GRIK1: variants seen among roughly 807,000 people sequenced by gnomAD.
The protein encoded by GRIK1 is glutamate receptor ionotropic, kainate 1.
Under a neutral mutation model 105.7 loss-of-function variants are expected in GRIK1, and 69 were observed. The observed-to-expected ratio is 0.65, with a 90% CI of 0.54 to 0.80. The LOEUF (loss-of-function observed/expected upper bound fraction) is 0.80, where lower values mean the gene tolerates loss of function less well. Among genes scored for constraint, GRIK1 ranks in the 30% least tolerant of loss-of-function variants. The pLI is 0.00. For synonymous variants in GRIK1, 438 were observed against 431.3 expected (o/e 1.02, Z -0.19); for missense variants, 1,109 against 1,167.3 (o/e 0.95, Z 0.73).
chr21:29,588,360 T>C (rs1198116757), intron 11 of GRIK1, among the ~76,000 whole-genome samples: 1 of 152,168 alleles, frequency 6.6e-6, no homozygotes, highest in Non-Finnish European at 1.5e-5. Flanking sequence ...AATCCCCATG[T>C]GTCAAGGGTG....
chr21:29,661,149 A>G (rs536349984), intron 4 of GRIK1, among the ~76,000 whole-genome samples: 1 of 152,364 alleles, frequency 6.6e-6, no homozygotes, highest in South Asian at 2.1e-4. Flanking sequence ...CATTCATGCC[A>G]CATTGAATGA....
intron 3 of GRIK1, among the ~76,000 whole-genome samples, chr21:29,674,441 A>G (rs1003504005): frequency 9.2e-5 from 14 of 152,052 alleles, no homozygotes; most frequent in African/African-American, 3.4e-4. Context: ...TGGTTGCTGT[A>G]GAACCTTATC....
intron 1 of GRIK1, among the ~76,000 whole-genome samples, chr21:29,892,351 T>C (rs1448511002): frequency 6.6e-6 from 1 of 152,230 alleles, no homozygotes; most frequent in Non-Finnish European, 1.5e-5. Flanking sequence ...GGAACAAGCA[T>C]GTTCACTAGA....
At chr21:29,812,776 C>G (rs1373409654) in intron 1 of GRIK1, among the ~76,000 whole-genome samples, 1 of 152,162 alleles carries the variant, frequency 6.6e-6, no homozygotes, top group East Asian at 1.9e-4. Flanking sequence ...AGATGTCAGT[C>G]AGTCCCCTTG....
intron 1 of GRIK1, among the ~76,000 whole-genome samples, chr21:29,819,479 CTG>C (rs757812835): frequency 3.3e-5 from 5 of 150,954 alleles, no homozygotes; most frequent in East Asian, 1.9e-4. Flanking sequence ...GCTTGTGTGT[CTG>C]TGTGTGTGTG....
At chr21:29,644,125 A>G (rs1601355490) in intron 6 of GRIK1, among the ~76,000 whole-genome samples, 1 of 152,300 alleles carries the variant, frequency 6.6e-6, no homozygotes, top group South Asian at 2.1e-4. Context: ...TTCAACATAT[A>G]CTATGCATTG....
intron 1 of GRIK1, among the ~76,000 whole-genome samples, chr21:29,825,519 C>A (rs2067427918): frequency 6.6e-6 from 1 of 151,992 alleles, no homozygotes; most frequent in Non-Finnish European, 1.5e-5. Flanking sequence ...CTTTGAATAA[C>A]ACATGAATAT....
At chr21:29,703,002 G>T (rs2063840989) in intron 1 of GRIK1, among the ~76,000 whole-genome samples, 1 of 152,082 alleles carries the variant, frequency 6.6e-6, no homozygotes, top group African/African-American at 2.4e-5. Flanking sequence ...TTTTCATATT[G>T]GTCACTTTTA....
intron 15 of GRIK1, among the ~76,000 whole-genome samples, chr21:29,556,470 T>G (rs2090258233): frequency 6.6e-6 from 1 of 152,186 alleles, no homozygotes; most frequent in Non-Finnish European, 1.5e-5. Context: ...TTACATTTTT[T>G]AAGTTAGCAG....
At position 29,537,014 on chromosome 21, in the gene GRIK1, A is replaced by G; in HGVS notation, c.*216T>C. 1 of 327,570 alleles carries G rather than the reference A, an allele frequency of 3.1e-6. No individual in the cohort carries two copies. Among genetic ancestry groups the G allele is most frequent in the Non-Finnish European group, 5.5e-6 (1 of 181,142 alleles). The allele number at this position is 327,570 out of a possible 1,614,324, so 20.3% of individuals were successfully genotyped here. A position where few individuals can be genotyped will look rare whatever the true frequency, so the allele number is the denominator to read the frequency against. On this transcript the variant is annotated 3_prime_UTR_variant, in exon 18 of 18. Transcript: ENST00000327783. ...ATTGGGGAAAAAGAAAAAATGCAAA[A>G]TAATTGAGCATACAAATTTATTTTA...
At chr21:29,771,540 A>G (rs891016825) in intron 1 of GRIK1, among the ~76,000 whole-genome samples, 3 of 152,196 alleles carry the variant, frequency 2.0e-5, no homozygotes, top group African/African-American at 7.2e-5. Flanking sequence ...GGCCAGTGAA[A>G]TGTTATTCTT....
intron 1 of GRIK1, among the ~76,000 whole-genome samples, chr21:29,894,223 C>T (rs764868387): frequency 6.6e-6 from 1 of 152,004 alleles, no homozygotes; most frequent in African/African-American, 2.4e-5. Flanking sequence ...GGTAAAGTCC[C>T]ACGAGAGACC....
In GRIK1 at chr21:29,632,512, T is replaced by TACACAC. The variant is rs5843396; in HGVS notation, c.1098+10308_1098+10313dup. Among the ~76,000 whole-genome samples, 97 of 149,958 alleles carry TACACAC rather than the reference T, an allele frequency of 6.5e-4. 2 individuals are homozygous for TACACAC. In the Middle Eastern group the frequency reaches 0.01, roughly 16 times the overall value. Reference sequence around the variant, plus strand: ...TTAAAGAAATAGATACAGACACAAATACACACACACACACACACACACACG... The same window carrying TACACAC: ...TTAAAGAAATAGATACAGACACAAATACACACACACACACACACACACACACACACG... On this transcript the variant is annotated intron_variant, in intron 7 of 17. Coordinates refer to ENST00000327783, the MANE Select transcript of GRIK1 (RefSeq NM_001330994.2).
At chr21:29,879,788 C>G (rs2832469) in intron 1 of GRIK1, among the ~76,000 whole-genome samples, 13,434 of 152,058 alleles carry the variant, frequency 0.088, 1,608 homozygotes, top group African/African-American at 0.27. Flanking sequence ...AATTTTGCAA[C>G]TGTCTTCTGC....
At chr21:29,926,468 A>G (rs1304635700) in intron 1 of GRIK1, among the ~76,000 whole-genome samples, 1 of 152,180 alleles carries the variant, frequency 6.6e-6, no homozygotes, top group Non-Finnish European at 1.5e-5. Context: ...CAGCACTGAG[A>G]AGAAGGTTAA....
At chr21:29,587,779 G>C (rs2091162594) in intron 11 of GRIK1, among the ~76,000 whole-genome samples, 190 bp from the exon 12 acceptor site, 1 of 151,822 alleles carries the variant, frequency 6.6e-6, no homozygotes, top group Admixed American at 6.6e-5. Flanking sequence ...TCAGCAAAGA[G>C]AAACCAGAAA....
At chr21:29,646,767 A>C (rs977562515) in intron 6 of GRIK1, among the ~76,000 whole-genome samples, 6 of 152,188 alleles carry the variant, frequency 3.9e-5, no homozygotes, top group African/African-American at 1.4e-4. Flanking sequence ...ATCTTGGGCT[A>C]TATGTGCAAG....
intron 15 of GRIK1, among the ~76,000 whole-genome samples, chr21:29,560,303 CT>C (rs1292314152): frequency 9.5e-6 from 1 of 105,294 alleles, no homozygotes. Context: ...TTCTTTCTTT[CT>C]TTCTTTCTTT....
chr21:29,893,510 A>G (rs1601962608), intron 1 of GRIK1, among the ~76,000 whole-genome samples: 2 of 152,324 alleles, frequency 1.3e-5, no homozygotes, highest in Non-Finnish European at 2.9e-5. Flanking sequence ...TTCTTTTGTA[A>G]TGTGGGGTAT....
Sources: gnomAD v4.1 joint callset for allele counts (sites outside exome capture counted in the v4.1 genomes callset) on GRCh38, gnomAD v4.1.1 for gene constraint, MANE v1.5 for transcripts, NCBI Gene and HGNC (gene_info 2026-07-23, HGNC 2026-07-21) for gene names.